ASXL3: variants seen among roughly 807,000 people sequenced by gnomAD.
The protein encoded by ASXL3 is ASXL transcriptional regulator 3.
A neutral mutation model predicts 170.6 loss-of-function variants in ASXL3; 34 were observed. The observed-to-expected ratio is 0.20, with a 90% CI of 0.15 to 0.27. The LOEUF (loss-of-function observed/expected upper bound fraction) is 0.27. Ranked by LOEUF, ASXL3 falls within the 10% of genes least tolerant of loss-of-function variation. The probability of loss-of-function intolerance (pLI) is 1.00; values close to 1 mark genes in which losing one functional copy is unlikely to be tolerated. For synonymous variants in ASXL3, 1,002 were observed against 989.1 expected, an observed-to-expected ratio of 1.01 and a Z score of -0.24; for missense variants, 2,592 against 2,695.3, an observed-to-expected ratio of 0.96 and a Z score of 0.85.
chr18:33,726,202 G>A (rs1301900720), intron 8 of ASXL3, among the ~76,000 whole-genome samples: 2 of 152,106 alleles, frequency 1.3e-5, no homozygotes, highest in East Asian at 3.9e-4. Context: ...AGCCTTGCCT[G>A]CCCTCTTTCA....
intron 7 of ASXL3, 36 bp downstream of exon 7, chr18:33,671,902 A>G (rs1327481828): frequency 6.8e-7 from 1 of 1,467,134 alleles, no homozygotes; most frequent in Admixed American, 2.7e-5. Context: ...TTCACATTTT[A>G]GAAATTTGTG....
intron 11 of ASXL3, among the ~76,000 whole-genome samples, chr18:33,742,285 T>C (rs1176443784): frequency 6.6e-6 from 1 of 152,238 alleles, no homozygotes; most frequent in East Asian, 1.9e-4. Flanking sequence ...TGTGTTCTTA[T>C]ATGTATAAAG....
intron 1 of ASXL3, among the ~76,000 whole-genome samples, chr18:33,595,560 G>C (rs2145104160): frequency 6.6e-6 from 1 of 152,272 alleles, no homozygotes; most frequent in South Asian, 2.1e-4. Context: ...AGACTCATAA[G>C]TTAGAAGCCA....
Position 33,743,647 on chromosome 18 carries a change from G to T in ASXL3, c.3799G>T (p.Val1267Phe). The stretch of plus-strand genomic sequence containing the variant: ...TGATAAATCCTCTGTCCTAATGTCT[G>T]TTGACAGTGCAAACACTACAATTTC... ...SVDKSSVLMS[V>F]DSANTTISAC... is the part of the protein sequence containing the mutation. Residue 1267 changes from valine (V) to phenylalanine (F), a missense_variant, in exon 12 of 12, where the codon GTT (valine) becomes TTT (phenylalanine). Physicochemically the swap from Val to Phe is conservative, Grantham distance 50. Transcript: ENST00000269197. 1 of 1,613,724 alleles carries T rather than the reference G, an allele frequency of 6.2e-7. No homozygotes were observed. The highest frequency in any genetic ancestry group is 8.5e-7 in the Non-Finnish European group (1 of 1,179,860).
intron 1 of ASXL3, 109 bp from the exon 2 acceptor site, chr18:33,607,485 A>C (rs967901871): frequency 3.3e-6 from 3 of 903,630 alleles, no homozygotes; most frequent in Non-Finnish European, 5.2e-6. Flanking sequence ...CTTTTGATGT[A>C]AAAGCCCCTT....
intron 4 of ASXL3, among the ~76,000 whole-genome samples, chr18:33,650,031 AT>A (rs1450202648): frequency 2.0e-5 from 3 of 152,044 alleles, no homozygotes; most frequent in Non-Finnish European, 4.4e-5. Context: ...GTGCTGTGGG[AT>A]GGGACTGGGT....
chr18:33,619,687 A>T (rs949813723), intron 2 of ASXL3, among the ~76,000 whole-genome samples: 4 of 152,072 alleles, frequency 2.6e-5, no homozygotes, highest in Admixed American at 6.6e-5. Context: ...TCAATTTTTT[A>T]TTGTTGATCT....
Position 33,655,236 on chromosome 18 carries a change from G to C in ASXL3, c.356-6380G>C, listed in dbSNP as rs1331552438. Among the ~76,000 whole-genome samples, 3 of 152,044 alleles carry C rather than the reference G, an allele frequency of 2.0e-5. 1 individual carries two copies. The South Asian group carries it at 6.2e-4, about 32-fold the overall frequency. On this transcript the variant is annotated intron_variant, in intron 4 of 11. Coordinates refer to ENST00000269197, the MANE Select transcript of ASXL3 (RefSeq NM_030632.3). ...ATTATCTGATTCAACATTCCTCTTG[G>C]TTTATTTTGCATTTTTTCTGAAAAT...
chr18:33,684,847 C>T (rs1434348063), intron 8 of ASXL3, among the ~76,000 whole-genome samples: 1 of 151,976 alleles, frequency 6.6e-6, no homozygotes, highest in Admixed American at 6.6e-5. Flanking sequence ...ATTTAAAATT[C>T]TTGAATTGGG....
At chr18:33,593,505 A>G (rs1245974992) in intron 1 of ASXL3, among the ~76,000 whole-genome samples, 4 of 152,046 alleles carry the variant, frequency 2.6e-5, no homozygotes, top group Non-Finnish European at 4.4e-5. Context: ...GAAAAGGGGG[A>G]AAAATGAAGA....
intron 8 of ASXL3, among the ~76,000 whole-genome samples, chr18:33,712,753 T>G (rs1229351270): frequency 6.6e-6 from 1 of 152,212 alleles, no homozygotes; most frequent in Non-Finnish European, 1.5e-5. Context: ...TAGTTGGTTT[T>G]CAAGGTGTGT....
intron 1 of ASXL3, among the ~76,000 whole-genome samples, chr18:33,591,027 G>A (rs908067376): frequency 2.6e-5 from 4 of 152,144 alleles, no homozygotes; most frequent in Non-Finnish European, 5.9e-5. Flanking sequence ...TTACCGAAGA[G>A]AACAAATGTT....
chr18:33,679,051 C>T (rs1368412417), intron 7 of ASXL3, among the ~76,000 whole-genome samples: 1 of 150,946 alleles, frequency 6.6e-6, no homozygotes, highest in Non-Finnish European at 1.5e-5. Flanking sequence ...TCTCACATTG[C>T]TCATAACATG....
chr18:33,742,803 T>C, intron 11 of ASXL3, 85 bp from the exon 12 acceptor site: 1 of 1,465,152 alleles, frequency 6.8e-7, no homozygotes, highest in East Asian at 2.4e-5. Flanking sequence ...CAGCTAGTCT[T>C]TTCCCTTGCA....
At chr18:33,645,268 G>A (rs934722789) in intron 3 of ASXL3, among the ~76,000 whole-genome samples, 2 of 151,914 alleles carry the variant, frequency 1.3e-5, no homozygotes, top group Non-Finnish European at 2.9e-5. Flanking sequence ...AAAGTTTATG[G>A]GGAGGAGTGT....
chr18:33,651,818 T>TG (rs2145212069), intron 4 of ASXL3, among the ~76,000 whole-genome samples: 1 of 152,240 alleles, frequency 6.6e-6, no homozygotes, highest in African/African-American at 2.4e-5. Flanking sequence ...GTCCTCTTCT[T>TG]GGGATCAACT....
intron 2 of ASXL3, among the ~76,000 whole-genome samples, chr18:33,621,892 GTTTC>G (rs1388024871): frequency 6.6e-6 from 1 of 151,990 alleles, no homozygotes; most frequent in Non-Finnish European, 1.5e-5. Flanking sequence ...AACCCACTCT[GTTTC>G]TTTATTTACA....
chr18:33,628,599 T>G (rs1419691648), intron 2 of ASXL3, among the ~76,000 whole-genome samples: 1 of 152,182 alleles, frequency 6.6e-6, no homozygotes, highest in Non-Finnish European at 1.5e-5. Flanking sequence ...TACCCCACAC[T>G]GGATCCTAGA....
In ASXL3 at chr18:33,745,047, A is replaced by G; in HGVS notation, c.5199A>G (p.Ala1733=). The G allele has an allele frequency of 1.2e-6, 2 of 1,614,006 alleles. No individual in the cohort carries two copies. The highest frequency in any genetic ancestry group is 1.7e-6 in the Non-Finnish European group (2 of 1,179,888). The change falls in exon 12 of 12, where the codon GCA becomes GCG. Residue 1733 remains alanine, a synonymous_variant. Transcript: ENST00000269197. ...ATGCCCTGAAGAGAGTCCCTGGTGC[A>G]GGGAGCTCAGGCTGTCGTCTGTCCT... ...ATDALKRVPG[A]GSSGCRLSSV...
Sources: allele counts gnomAD v4.1 joint callset (sites outside exome capture counted in the v4.1 genomes callset), GRCh38; gene constraint gnomAD v4.1.1; transcripts MANE v1.5; gene names NCBI Gene and HGNC (gene_info 2026-07-23, HGNC 2026-07-21).